The following ZNF432 variants were observed in gnomAD, a reference collection of about 807,000 sequenced individuals.
ZNF432 encodes zinc finger protein 432.
A neutral mutation model predicts 13.9 loss-of-function variants in ZNF432; 10 were observed. That is an observed-to-expected ratio of 0.72 (90% CI 0.44 to 1.22). The LOEUF (loss-of-function observed/expected upper bound fraction) is 1.22, where lower values mean the gene tolerates loss of function less well. ZNF432 is among the 50% of genes most tolerant of loss of function. ZNF432 has a pLI of 0.00. For missense variants in ZNF432, 793 were observed against 796.2 expected, an observed-to-expected ratio of 1.00 and a Z score of 0.05; for synonymous variants, 247 against 256.2, an observed-to-expected ratio of 0.96 and a Z score of 0.34.
chr19:52,033,750 AT>A lies in ZNF432; in HGVS notation c.1928del (p.His643LeufsTer35). 3 of 1,600,868 alleles carry A rather than the reference AT, an allele frequency of 1.9e-6. No individual in the cohort carries two copies. The highest frequency in any genetic ancestry group is 2.6e-6 in the Non-Finnish European group (3 of 1,175,096). On this transcript the variant is annotated frameshift_variant, in exon 5 of 5. Coordinates refer to ENST00000221315, the MANE Select transcript of ZNF432 (RefSeq NM_014650.4). LOFTEE classifies it high-confidence loss of function. ...AFSSKRNLIV[H>X]QRTHNGNKP ...GTTTGTTTCCATTATGAGTTCGCTGATGTACAATGAGATTTCTCTTTGAGGA... is the reference window on the plus strand; with the variant it reads ...GTTTGTTTCCATTATGAGTTCGCTGAGTACAATGAGATTTCTCTTTGAGGA...
chr19:52,041,457 T>G, intron 3 of ZNF432, 23 bp downstream of exon 3: 1 of 1,571,274 alleles, frequency 6.4e-7, no homozygotes, highest in South Asian at 1.2e-5. Flanking sequence ...ACCCTCCAGG[T>G]GACACAGAGC....
chr19:52,041,745 GC>G, intron 2 of ZNF432, 139 bp from the exon 3 acceptor site: 1 of 1,027,806 alleles, frequency 9.7e-7, no homozygotes, highest in Non-Finnish European at 1.4e-6. Context: ...TTTTAATATT[GC>G]CAGAGAATCT....
chr19:52,040,782 ATAT>A (rs2087127844), intron 3 of ZNF432, among the ~76,000 whole-genome samples, 199 bp from the exon 4 acceptor site: 1 of 152,176 alleles, frequency 6.6e-6, no homozygotes, highest in Non-Finnish European at 1.5e-5. Context: ...TGGATTGAAA[ATAT>A]TTTTTAAAAA....
In ZNF432 at chr19:52,033,820, G is replaced by A. The variant is rs779433859; in HGVS notation, c.1859C>T (p.Thr620Ile). 5.6e-5 allele frequency: 91 copies of A among 1,613,956 alleles called. No homozygotes were observed. The highest frequency in any genetic ancestry group is 6.9e-5 in the Non-Finnish European group (82 of 1,180,036). Residue 620 changes from threonine (T) to isoleucine (I), a missense_variant, in exon 5 of 5, where the codon ACA (threonine) becomes ATA (isoleucine). By Grantham distance (89) the Thr-to-Ile change is moderately conservative (BLOSUM62 -1). Transcript: ENST00000221315. ...SRLIVHQRTHTGEKPFVCSEC... is the reference protein window; with the variant it reads ...SRLIVHQRTHIGEKPFVCSEC... Reference sequence around the variant, plus strand: ...ACTGCATACAAAGGGTTTCTCTCCTGTATGAGTTCGTTGATGAACAATTAG... The same window carrying A: ...ACTGCATACAAAGGGTTTCTCTCCTATATGAGTTCGTTGATGAACAATTAG...
chr19:52,048,180 C>CAA (rs986523452), intron 1 of ZNF432, among the ~76,000 whole-genome samples: 3 of 145,858 alleles, frequency 2.1e-5, no homozygotes, highest in African/African-American at 8.1e-5. Flanking sequence ...CACACACACA[C>CAA]ACAAAACCAG....
In ZNF432 at chr19:52,031,646, G is replaced by A. The variant is rs116901922; in HGVS notation, c.*2074C>T. On this transcript the variant is annotated 3_prime_UTR_variant, in exon 5 of 5. Coordinates refer to ENST00000221315, the MANE Select transcript of ZNF432 (RefSeq NM_014650.4). ...GCATTCTTGAAATAACAAAATTAGG[G>A]TAATGGGATCAGTGGCTACCATGGG... 3,042 of 152,282 alleles carry A rather than the reference G, an allele frequency of 0.02. 54 individuals are homozygous for A. The highest frequency in any genetic ancestry group is 0.024 in the Admixed American group (362 of 15,288). The allele number at this position is 152,282 out of a possible 1,614,324, so 9.4% of individuals were successfully genotyped here. A position where few individuals can be genotyped will look rare whatever the true frequency, so the allele number is the denominator to read the frequency against.
intron 3 of ZNF432, 83 bp from the exon 4 acceptor site, chr19:52,040,666 T>A: frequency 8.9e-7 from 1 of 1,118,712 alleles, no homozygotes; most frequent in Non-Finnish European, 1.3e-6. Context: ...TTTAAGTAAC[T>A]AGACAGTTTT....
At position 52,035,111 on chromosome 19, in the gene ZNF432, A is replaced by G. The variant is rs777191536; in HGVS notation, c.568T>C (p.Ser190Pro). The G allele has an allele frequency of 1.2e-5, 20 of 1,613,956 alleles. No homozygotes were observed. The South Asian group carries it at 1.5e-4, about 12-fold the overall frequency. Residue 190 changes from serine to proline, a missense_variant, in exon 5 of 5, where the codon TCC becomes CCC. Physicochemically the swap from Ser to Pro is moderately conservative, Grantham distance 74. Coordinates refer to ENST00000221315, the MANE Select transcript of ZNF432 (RefSeq NM_014650.4). ...SVSTKANSTK[S>P]QVSKHQRTHE... is the part of the protein sequence containing the mutation. ...GTTCTCTGATGCTTACTGACTTGGGATTTAGTGCTATTGGCTTTTGTACTT... is the reference window on the plus strand; with the variant it reads ...GTTCTCTGATGCTTACTGACTTGGGGTTTAGTGCTATTGGCTTTTGTACTT...
chr19:52,035,356 T>C lies in ZNF432; in HGVS notation c.323A>G (p.Asn108Ser), dbSNP rs193199212. Residue 108 changes from asparagine (N) to serine (S), a missense_variant, in exon 5 of 5, where the codon AAT becomes AGT. Asn to Ser is a conservative substitution (Grantham distance 46). Transcript: ENST00000221315. Reference sequence around the variant, plus strand: ...TTGAGAGGCAGTATTTCCAAATGCATTATGTTCATGGTATTGTTCCACACT... The same window carrying C: ...TTGAGAGGCAGTATTTCCAAATGCACTATGTTCATGGTATTGTTCCACACT... ...LKSVEQYHEH[N>S]AFGNTASQTK... The C allele has an allele frequency of 1.7e-5, 27 of 1,611,842 alleles. No individual in the cohort carries two copies. In the Admixed American group the frequency reaches 4.4e-4, roughly 26 times the overall value.
chr19:52,047,124 CTT>C, intron 1 of ZNF432, 64 bp from the exon 2 acceptor site: 1 of 434,028 alleles, frequency 2.3e-6, no homozygotes, highest in Non-Finnish European at 4.1e-6. Context: ...ATATTTGTCT[CTT>C]TATTTGGTTC....
At position 52,034,143 on chromosome 19, in the gene ZNF432, C is replaced by T. The variant is rs956500538; in HGVS notation, c.1536G>A (p.Pro512=). The T allele has an allele frequency of 2.1e-5, 34 of 1,612,918 alleles. No homozygotes were observed. The highest frequency in any genetic ancestry group is 2.7e-5 in the African/African-American group (2 of 74,582). The part of the protein sequence containing the change: ...LHQRTHTGEK[P]YICNECGKGF... ...CTTTTCCACATTCATTGCATATGTA[C>T]GGTTTCTCTCCAGTATGAGTTCGCT... Residue 512 remains proline, a synonymous_variant, in exon 5 of 5, where the codon CCG becomes CCA. Coordinates refer to ENST00000221315, the MANE Select transcript of ZNF432 (RefSeq NM_014650.4).
intron 2 of ZNF432, among the ~76,000 whole-genome samples, chr19:52,045,912 T>C (rs1409239391): frequency 6.6e-6 from 1 of 150,410 alleles, no homozygotes; most frequent in African/African-American, 2.4e-5. Context: ...GAAGAATCCC[T>C]TGAACCCAGG....
At chr19:52,048,182 C>CACACACACACACACACACACAA (rs1482172095) in intron 1 of ZNF432, among the ~76,000 whole-genome samples, 1 of 146,216 alleles carries the variant, frequency 6.8e-6, no homozygotes, top group Non-Finnish European at 1.5e-5. Context: ...CACACACACA[C>CACACACACACACACACACACAA]AAAACCAGCC....
At position 52,041,512 on chromosome 19, in the gene ZNF432, A is replaced by G. The variant is rs2087136322; in HGVS notation, c.110T>C (p.Met37Thr). Residue 37 changes from methionine (M) to threonine (T), a missense_variant, in exon 3 of 5, where the codon ATG becomes ACG. Met to Thr is a moderately conservative substitution (Grantham distance 81). Coordinates refer to ENST00000221315, the MANE Select transcript of ZNF432 (RefSeq NM_014650.4). ...TAGCAGGTTGCTGTAGATCTCCAAC[A>G]TCACATCCCGGTACAAATCCTTCTG... is the stretch of plus-strand genomic sequence containing the variant. ...PFQKDLYRDVMLEIYSNLLSM... is the reference protein window; with the variant it reads ...PFQKDLYRDVTLEIYSNLLSM... 1.2e-6 allele frequency: 2 copies of G among 1,610,074 alleles called. No individual in the cohort carries two copies. The highest frequency in any genetic ancestry group is 2.7e-5 in the African/African-American group (2 of 74,732).
rs1396767300 is a variant in ZNF432 at position 52,034,004 on chromosome 19, G to C, written c.1675C>G (p.His559Asp). Residue 559 changes from histidine (H) to aspartate (D), a missense_variant, in exon 5 of 5, where the codon CAT becomes GAT. By Grantham distance (81) the His-to-Asp change is moderately conservative. Transcript: ENST00000221315. ...TTCTCTTCTGTATGAATTTGCTGAT[G>C]TACAATGAGATAGCGTTTCATGGTG... ...GFTMKRYLIV[H>D]QQIHTEEKSC... 2 of 1,614,174 alleles carry C rather than the reference G, an allele frequency of 1.2e-6. No individual in the cohort carries two copies. The highest frequency in any genetic ancestry group is 1.7e-6 in the Non-Finnish European group (2 of 1,180,042).
intron 4 of ZNF432, among the ~76,000 whole-genome samples, chr19:52,039,453 T>C (rs1477697608): frequency 1.2e-4 from 19 of 152,190 alleles, no homozygotes. Flanking sequence ...AAAAACATTA[T>C]GCTAAATGAA....
rs1371024960 is a variant in ZNF432 at position 52,033,109 on chromosome 19, C to T, written c.*611G>A. The T allele has an allele frequency of 1.3e-5, 2 of 152,242 alleles. No individual in the cohort carries two copies. Among genetic ancestry groups the T allele is most frequent in the East Asian group, 1.9e-4 (1 of 5,202 alleles). The allele number at this position is 152,242 out of a possible 1,614,324, so 9.4% of individuals were successfully genotyped here. A position where few individuals can be genotyped will look rare whatever the true frequency, so the allele number is the denominator to read the frequency against. ...AAGACATAGTTACTTAGAAAATTTT[C>T]AAGACTTTTCTGCATTGGATGTATC... On this transcript the variant is annotated 3_prime_UTR_variant, in exon 5 of 5. Coordinates refer to ENST00000221315, the MANE Select transcript of ZNF432 (RefSeq NM_014650.4).
At chr19:52,036,374 A>G (rs2087081114) in intron 4 of ZNF432, among the ~76,000 whole-genome samples, 2 of 152,226 alleles carry the variant, frequency 1.3e-5, no homozygotes, top group African/African-American at 2.4e-5. Context: ...GAAAAGCAGG[A>G]TATTTTTGTA....
intron 2 of ZNF432, among the ~76,000 whole-genome samples, chr19:52,045,693 C>G (rs2087174743): frequency 6.7e-6 from 1 of 150,172 alleles, no homozygotes; most frequent in Admixed American, 6.6e-5. Context: ...ACTTCATCAT[C>G]AGAATTTATT....
Sources: allele counts gnomAD v4.1 joint callset (sites outside exome capture counted in the v4.1 genomes callset), GRCh38; gene constraint gnomAD v4.1.1; transcripts MANE v1.5; gene names NCBI Gene and HGNC (gene_info 2026-07-23, HGNC 2026-07-21).